TMEM178A: variants seen among roughly 807,000 people sequenced by gnomAD.
TMEM178A encodes transmembrane protein 178.
TMEM178A carries 12 observed loss-of-function variants against 29.1 expected under a neutral mutation model. The observed-to-expected ratio is 0.41, with a 90% CI of 0.26 to 0.67. The LOEUF is 0.67. TMEM178A is among the 30% of genes least tolerant of loss of function. TMEM178A has a pLI of 0.29. For missense variants in TMEM178A, 366 were observed against 419.1 expected (o/e 0.87, Z 1.11); for synonymous variants, 210 against 187.2 (o/e 1.12, Z -0.99).
intron 3 of TMEM178A, among the ~76,000 whole-genome samples, chr2:39,715,482 G>T (rs1672496714): frequency 6.6e-6 from 1 of 151,940 alleles, no homozygotes; most frequent in Non-Finnish European, 1.5e-5. Flanking sequence ...TTTTTGAATG[G>T]CCCATTACTT....
In TMEM178A at chr2:39,717,330, C is replaced by A; in HGVS notation, c.*79C>A. 1 of 1,517,014 alleles carries A rather than the reference C, an allele frequency of 6.6e-7. No homozygotes were observed. 94.0% of individuals were successfully genotyped at this position (1,517,014 alleles called of 1,614,324 possible). A position where few individuals can be genotyped will look rare whatever the true frequency, so the allele number is the denominator to read the frequency against. ...GGAGTTCAGGAGTCCAAGCACAAAG[C>A]GGTCTTTTACATTCCAACCTGTTGC... On this transcript the variant is annotated 3_prime_UTR_variant, in exon 4 of 4. Transcript: ENST00000281961.
rs1220325846 is a variant in TMEM178A at position 39,707,168 on chromosome 2, C to G, written c.634C>G (p.Leu212Val). ...EESLTQHVAG[L>V]LFLMTGIFCT... ...GAGCTTGACCCAGCACGTGGCTGGACTCCTGTTCCTCATGACAGGTAGGCT... is the reference window on the plus strand; with the variant it reads ...GAGCTTGACCCAGCACGTGGCTGGAGTCCTGTTCCTCATGACAGGTAGGCT... The change falls in exon 3 of 4, where the codon CTC becomes GTC. Residue 212 changes from leucine to valine, a missense_variant. By Grantham distance (32) the Leu-to-Val change is conservative. Transcript: ENST00000281961. The G allele has an allele frequency of 6.2e-7, 1 of 1,613,012 alleles. No individual in the cohort carries two copies.
intron 1 of TMEM178A, among the ~76,000 whole-genome samples, chr2:39,701,963 T>A (rs878865853): frequency 1.3e-5 from 2 of 152,174 alleles, no homozygotes; most frequent in Admixed American, 1.3e-4. Context: ...TTTAGTTATT[T>A]GGATAGGTTT....
chr2:39,730,781 T>C, the TMEM178A span, among the ~76,000 whole-genome samples: 1 of 152,220 alleles, frequency 6.6e-6, no homozygotes, highest in Admixed American at 6.5e-5. Context: ...CCAGACACTC[T>C]AGTGATAAGA....
At chr2:39,721,026 ATG>A (rs1185596580), downstream of TMEM178A, among the ~76,000 whole-genome samples, 9 of 152,200 alleles carry the variant, frequency 5.9e-5, no homozygotes, top group African/African-American at 2.2e-4. Context: ...ATTTATGTGC[ATG>A]TGTGTTTCAA....
chr2:39,717,239 C>T lies in TMEM178A; in HGVS notation c.882C>T (p.Asp294=), dbSNP rs1199718253. Residue 294 remains aspartate, a synonymous_variant, in exon 4 of 4, where the codon GAC becomes GAT. Coordinates refer to ENST00000281961, the MANE Select transcript of TMEM178A (RefSeq NM_152390.3). The part of the protein sequence containing the change: ...TKIAQLKSGR[D]STV ...TTGCACAGCTAAAGTCTGGCAGAGACTCCACGGTATGACTGTCCTCACTGG... is the reference window on the plus strand; with the variant it reads ...TTGCACAGCTAAAGTCTGGCAGAGATTCCACGGTATGACTGTCCTCACTGG... The T allele has an allele frequency of 1.2e-6, 2 of 1,613,488 alleles. No individual in the cohort carries two copies. Among genetic ancestry groups the T allele is most frequent in the African/African-American group, 2.7e-5 (2 of 74,714 alleles).
chr2:39,670,712 TAATA>T (rs1670376539), intron 1 of TMEM178A, among the ~76,000 whole-genome samples: 1 of 152,228 alleles, frequency 6.6e-6, no homozygotes, highest in Non-Finnish European at 1.5e-5. Flanking sequence ...ACACTGACTT[TAATA>T]AATAAACATT....
chr2:39,687,095 C>T (rs1572664018), intron 1 of TMEM178A, among the ~76,000 whole-genome samples: 1 of 151,594 alleles, frequency 6.6e-6, no homozygotes, highest in Admixed American at 6.6e-5. Flanking sequence ...CCTTCTTGTC[C>T]AGCCAGGAAA....
At chr2:39,693,636 A>C (rs1671414491) in intron 1 of TMEM178A, among the ~76,000 whole-genome samples, 1 of 152,192 alleles carries the variant, frequency 6.6e-6, no homozygotes, top group African/African-American at 2.4e-5. Context: ...GAAAAAGGAA[A>C]GGAGAAGAGG....
chr2:39,666,174 T>G lies in TMEM178A; in HGVS notation c.200T>G (p.Leu67Arg). 6.8e-7 allele frequency: 1 copy of G among 1,479,148 alleles called. No individual in the cohort carries two copies. The highest frequency in any genetic ancestry group is 8.9e-7 in the Non-Finnish European group (1 of 1,119,808). The allele number at this position is 1,479,148 out of a possible 1,614,324, so 91.6% of individuals were successfully genotyped here. A position where few individuals can be genotyped will look rare whatever the true frequency, so the allele number is the denominator to read the frequency against. ...CTGATGCCGCTGTCGCACCTGCCGCTGCGGGACTCGCCCCCGCTGGGGCGC... is the reference window on the plus strand; with the variant it reads ...CTGATGCCGCTGTCGCACCTGCCGCGGCGGGACTCGCCCCCGCTGGGGCGC... ...NRLMPLSHLP[L>R]RDSPPLGRRL... Residue 67 changes from leucine to arginine, a missense_variant, in exon 1 of 4, where the codon CTG becomes CGG. By Grantham distance (102) the Leu-to-Arg change is moderately radical. Coordinates refer to ENST00000281961, the MANE Select transcript of TMEM178A (RefSeq NM_152390.3).
At chr2:39,669,862 C>G (rs1009183989) in intron 1 of TMEM178A, among the ~76,000 whole-genome samples, 31 of 152,176 alleles carry the variant, frequency 2.0e-4, no homozygotes, top group African/African-American at 7.2e-4. Flanking sequence ...ACTGTATTTC[C>G]ATACTTACTG....
chr2:39,681,462 G>A (rs1426655648), intron 1 of TMEM178A, among the ~76,000 whole-genome samples: 1 of 152,218 alleles, frequency 6.6e-6, no homozygotes, highest in Non-Finnish European at 1.5e-5. Context: ...AAAAATGAAA[G>A]TGTTCAATAT....
chr2:39,686,963 A>ATG lies in TMEM178A; in HGVS notation c.401-17066_401-17065dup, dbSNP rs4015737. On this transcript the variant is annotated intron_variant, in intron 1 of 3. Transcript: ENST00000281961. ...TGGCAGAGTATATGTGCACATATGC[A>ATG]TGTGTGTGTGTGTGTGTGTGTGTGT... Among the ~76,000 whole-genome samples, 481 of 120,310 alleles carry ATG rather than the reference A, an allele frequency of 4.0e-3. 5 individuals are homozygous for ATG. Among genetic ancestry groups the ATG allele is most frequent in the Non-Finnish European group, 4.8e-3 (272 of 57,182 alleles). 78.9% of individuals were successfully genotyped at this position (120,310 alleles called of 152,430 possible).
upstream of TMEM178A, chr2:39,665,687 C>G (rs1257387577): frequency 1.8e-5 from 5 of 282,928 alleles, no homozygotes; most frequent in Non-Finnish European, 3.1e-5. Context: ...GGCGCCGGGG[C>G]GAGGAGAGGG....
chr2:39,734,313 C>A, the TMEM178A span, among the ~76,000 whole-genome samples: 1 of 152,240 alleles, frequency 6.6e-6, no homozygotes, highest in African/African-American at 2.4e-5. Flanking sequence ...CTCCTCTATA[C>A]CCTTTATTCA....
At chr2:39,679,028 C>G (rs1472656746) in intron 1 of TMEM178A, among the ~76,000 whole-genome samples, 1 of 152,194 alleles carries the variant, frequency 6.6e-6, no homozygotes, top group Non-Finnish European at 1.5e-5. Context: ...CTCAGCACCT[C>G]TCTCATTCCC....
the TMEM178A span, among the ~76,000 whole-genome samples, chr2:39,734,445 C>T: frequency 1.3e-5 from 2 of 152,212 alleles, no homozygotes; most frequent in Non-Finnish European, 2.9e-5. Flanking sequence ...AGGGCTCAGC[C>T]CTGGTCTTAT....
intron 3 of TMEM178A, among the ~76,000 whole-genome samples, chr2:39,712,078 T>TGTGTGTGTGTG (rs70957121): frequency 6.7e-6 from 1 of 149,542 alleles, no homozygotes; most frequent in Non-Finnish European, 1.5e-5. Flanking sequence ...TGTGTGTGTG[T>TGTGTGTGTGTG]AAGAGTTTCT....
intron 3 of TMEM178A, among the ~76,000 whole-genome samples, chr2:39,709,285 C>T (rs1356705597): frequency 6.6e-6 from 1 of 152,196 alleles, no homozygotes; most frequent in South Asian, 2.1e-4. Flanking sequence ...TCCCACTCCA[C>T]GAAATGGTGC....
Sources: gnomAD v4.1 joint callset for allele counts (sites outside exome capture counted in the v4.1 genomes callset) on GRCh38, gnomAD v4.1.1 for gene constraint, MANE v1.5 for transcripts, NCBI Gene and HGNC (gene_info 2026-07-23, HGNC 2026-07-21) for gene names.